The following HYDIN variants were observed in gnomAD, a reference collection of about 807,000 sequenced individuals.
The protein encoded by HYDIN is axonemal central pair apparatus protein HYDIN.
Under a neutral mutation model 403.9 loss-of-function variants are expected in HYDIN, and 132 were observed. That is an observed-to-expected ratio of 0.33 (90% CI 0.28 to 0.38). HYDIN has a LOEUF of 0.38. HYDIN is among the 10% of genes least tolerant of loss of function. The pLI is 1.00. For synonymous variants in HYDIN, 1,202 were observed against 1,891.7 expected (o/e 0.64, Z 9.46); for missense variants, 2,827 against 5,009.5 (o/e 0.56, Z 13.15).
intron 25 of HYDIN, among the ~76,000 whole-genome samples, chr16:70,989,056 T>C (rs550046195): frequency 3.5e-4 from 54 of 152,152 alleles, no homozygotes; most frequent in African/African-American, 1.3e-3. Flanking sequence ...TGTACATATA[T>C]ATGTACATAT....
intron 19 of HYDIN, among the ~76,000 whole-genome samples, chr16:71,031,077 G>A (rs1295660804): frequency 6.7e-6 from 1 of 150,132 alleles, no homozygotes; most frequent in Non-Finnish European, 1.5e-5. Context: ...GTGGGCACCT[G>A]TAGTCCCAGC....
intron 84 of HYDIN, among the ~76,000 whole-genome samples, chr16:70,816,104 A>G (rs1357950364): frequency 6.6e-6 from 1 of 152,208 alleles, no homozygotes; most frequent in African/African-American, 2.4e-5. Flanking sequence ...ACTCTGTCTC[A>G]AAAATAAACC....
intron 19 of HYDIN, among the ~76,000 whole-genome samples, chr16:71,028,152 A>C (rs2080779418): frequency 6.6e-6 from 1 of 151,734 alleles, no homozygotes; most frequent in African/African-American, 2.4e-5. Context: ...TTCATGTGAA[A>C]AGCAATCCCA....
chr16:71,054,396 A>G (rs147690003), intron 18 of HYDIN, among the ~76,000 whole-genome samples: 2,284 of 152,210 alleles, frequency 0.015, no homozygotes, highest in African/African-American at 0.051. Context: ...TCCTCCTCAC[A>G]CACATTGTGG....
At chr16:71,067,147 G>C in intron 15 of HYDIN, 143 bp downstream of exon 15, 2 of 597,196 alleles carry the variant, frequency 3.3e-6, no homozygotes, top group Non-Finnish European at 3.0e-6. Flanking sequence ...TTTGTCATTT[G>C]AATGTCAGAT....
chr16:70,808,046 A>T lies in HYDIN; in HGVS notation c.14900T>A (p.Phe4967Tyr). Residue 4967 changes from phenylalanine to tyrosine, a missense_variant, in exon 86 of 86, where the codon TTC becomes TAC. By Grantham distance (22) the Phe-to-Tyr change is conservative (BLOSUM62 3). Coordinates refer to ENST00000393567, the MANE Select transcript of HYDIN (RefSeq NM_001270974.2). ...TGCATTAATGAGTTTTTCTGCGTGG[A>T]AGTCTGTACAGTCGGTCTGAAAGGG... ...EYYCRTDCTDFHAEKLINAAP... is the reference protein window; with the variant it reads ...EYYCRTDCTDYHAEKLINAAP... 1 of 1,610,786 alleles carries T rather than the reference A, an allele frequency of 6.2e-7. No individual in the cohort carries two copies. Among genetic ancestry groups the T allele is most frequent in the Non-Finnish European group, 8.5e-7 (1 of 1,177,826 alleles).
chr16:71,046,706 G>C (rs1413190364), intron 18 of HYDIN, among the ~76,000 whole-genome samples: 3 of 152,192 alleles, frequency 2.0e-5, no homozygotes, highest in African/African-American at 7.2e-5. Flanking sequence ...ATATAATCTA[G>C]ATGGATGTGT....
chr16:71,078,371 T>A (rs79206628), intron 13 of HYDIN, among the ~76,000 whole-genome samples: 2 of 152,280 alleles, frequency 1.3e-5, no homozygotes, highest in Admixed American at 1.3e-4. Context: ...ACGTATGTTT[T>A]CCCCCAACTC....
chr16:71,170,087 A>C (rs1020171865), intron 5 of HYDIN, among the ~76,000 whole-genome samples: 1 of 152,184 alleles, frequency 6.6e-6, no homozygotes, highest in Non-Finnish European at 1.5e-5. Flanking sequence ...TGGTAGCCAG[A>C]GTGGTCCTAA....
chr16:71,212,355 G>T (rs565204135), intron 1 of HYDIN, among the ~76,000 whole-genome samples: 72 of 152,284 alleles, frequency 4.7e-4, no homozygotes, highest in African/African-American at 1.7e-3. Flanking sequence ...TCAAGAAAGA[G>T]AAAGAGAACC....
At chr16:71,075,759 C>G (rs917009) in intron 13 of HYDIN, among the ~76,000 whole-genome samples, 70,457 of 150,200 alleles carry the variant, frequency 0.47, 18,867 homozygotes, top group East Asian at 0.73. Flanking sequence ...CACATGTGTA[C>G]ATCATGGCAT....
At chr16:70,980,536 T>C (rs1020423826) in intron 29 of HYDIN, among the ~76,000 whole-genome samples, 5 of 147,432 alleles carry the variant, frequency 3.4e-5, no homozygotes, top group Non-Finnish European at 7.5e-5. Flanking sequence ...TATATATATA[T>C]ATAAATATAA....
chr16:71,207,151 A>C (rs1392619011), intron 1 of HYDIN, among the ~76,000 whole-genome samples: 4 of 152,200 alleles, frequency 2.6e-5, no homozygotes, highest in African/African-American at 7.2e-5. Flanking sequence ...GAAATGAAGG[A>C]AAAAATGTTA....
intron 7 of HYDIN, among the ~76,000 whole-genome samples, chr16:71,145,537 CT>C (rs2085336231): frequency 6.6e-6 from 1 of 152,076 alleles, no homozygotes; most frequent in Non-Finnish European, 1.5e-5. Context: ...GTCACCACCC[CT>C]GGCTGAATGA....
At position 70,929,073 on chromosome 16, in the gene HYDIN, T is replaced by C. The variant is rs573203936; in HGVS notation, c.7158+6879A>G. Among the ~76,000 whole-genome samples the C allele has an allele frequency of 3.3e-3, 500 of 152,108 alleles. 5 individuals carry two copies. The highest frequency in any genetic ancestry group is 0.012 in the African/African-American group (481 of 41,466). ...GGGAGGCCAAGGCAGGTGGATCACCTGAGGTCAGGAGTTTGAGACCAGGCT... is the reference window on the plus strand; with the variant it reads ...GGGAGGCCAAGGCAGGTGGATCACCCGAGGTCAGGAGTTTGAGACCAGGCT... On this transcript the variant is annotated intron_variant, in intron 45 of 85. Transcript: ENST00000393567.
chr16:71,141,397 A>G lies in HYDIN; in HGVS notation c.842-4045T>C, dbSNP rs2085165769. Among the ~76,000 whole-genome samples the G allele has an allele frequency of 3.3e-5, 5 of 152,124 alleles. 1 individual carries two copies. Among genetic ancestry groups the G allele is most frequent in the South Asian group, 2.1e-4 (1 of 4,820 alleles). ...AAACAATATAAATGAGAATTTCTTC[A>G]TAACTTTAGAGAGGGAAAAGTTTCC... On this transcript the variant is annotated intron_variant, in intron 7 of 85. Coordinates refer to ENST00000393567, the MANE Select transcript of HYDIN (RefSeq NM_001270974.2).
chr16:71,209,959 C>T (rs1355039042), intron 1 of HYDIN, among the ~76,000 whole-genome samples: 1 of 152,116 alleles, frequency 6.6e-6, no homozygotes, highest in Non-Finnish European at 1.5e-5. Context: ...GGCCATACTG[C>T]CCAAAGCAAT....
intron 52 of HYDIN, among the ~76,000 whole-genome samples, chr16:70,902,066 C>T (rs1567797588): frequency 6.6e-6 from 1 of 150,964 alleles, no homozygotes; most frequent in Non-Finnish European, 1.5e-5. Flanking sequence ...CAAAGGTCAA[C>T]CGTATTTTCC....
chr16:71,200,667 C>T (rs2087955449), intron 1 of HYDIN, among the ~76,000 whole-genome samples: 1 of 152,210 alleles, frequency 6.6e-6, no homozygotes, highest in African/African-American at 2.4e-5. Context: ...TTTCCAGACC[C>T]TTCTCACTTG....
Sources: gnomAD v4.1 joint callset for allele counts (sites outside exome capture counted in the v4.1 genomes callset) on GRCh38, gnomAD v4.1.1 for gene constraint, MANE v1.5 for transcripts, NCBI Gene and HGNC (gene_info 2026-07-23, HGNC 2026-07-21) for gene names.